Variants in SIN3A observed in about 807,000 individuals in gnomAD.
SIN3A encodes the protein SIN3 transcription regulator family member A.
Under a neutral mutation model 146.1 loss-of-function variants are expected in SIN3A, and 14 were observed. The observed-to-expected ratio is 0.10, with a 90% CI of 0.06 to 0.15. The LOEUF (loss-of-function observed/expected upper bound fraction) is 0.15, where lower values mean the gene tolerates loss of function less well. Ranked by LOEUF, SIN3A falls within the 10% of genes least tolerant of loss-of-function variation. SIN3A has a pLI of 1.00. For synonymous variants in SIN3A, 572 were observed against 572.0 expected (o/e 1.00, Z 0.00); for missense variants, 1,028 against 1,576.0 (o/e 0.65, Z 5.89).
chr15:75,409,424 A>G (rs2073583568), intron 8 of SIN3A, among the ~76,000 whole-genome samples: 1 of 151,960 alleles, frequency 6.6e-6, no homozygotes, highest in Non-Finnish European at 1.5e-5. Context: ...AATATCTAGG[A>G]CCCAACCGTT....
intron 16 of SIN3A, among the ~76,000 whole-genome samples, chr15:75,385,759 G>A (rs2073064196): frequency 6.6e-6 from 1 of 152,182 alleles, no homozygotes; most frequent in African/African-American, 2.4e-5. Flanking sequence ...TGACCAGTAT[G>A]TGTATTAGTA....
Position 75,392,551 on chromosome 15 carries a change from T to C in SIN3A, c.2542A>G (p.Thr848Ala), listed in dbSNP as rs761118636. ...EEEEMDVDEA[T>A]GAVKKHNGVG... ...CCATTGTGCTTCTTAACTGCCCCTG[T>C]GGCTTCATCTACATCCATCTCTTCT... The change falls in exon 15 of 21, where the codon ACA becomes GCA. Residue 848 changes from threonine (T) to alanine (A), a missense_variant. This residue lies in a region of SIN3A where 488 missense variants were observed against 690.2 expected (regional missense o/e 0.71). Transcript: ENST00000394947. The C allele has an allele frequency of 4.3e-6, 7 of 1,614,026 alleles. No homozygotes were observed. The highest frequency in any genetic ancestry group is 1.7e-5 in the Admixed American group (1 of 60,006).
At chr15:75,425,041 CCT>C (rs1448935897) in intron 2 of SIN3A, among the ~76,000 whole-genome samples, 4 of 151,062 alleles carry the variant, frequency 2.6e-5, no homozygotes, top group African/African-American at 9.7e-5. Flanking sequence ...TGACAAAGAC[CCT>C]GTCTCAAAAA....
intron 3 of SIN3A, chr15:75,421,854 C>T (rs956271984): frequency 1.3e-5 from 2 of 152,212 alleles, no homozygotes; most frequent in African/African-American, 4.8e-5. Flanking sequence ...GCTGGGAACA[C>T]AAGCTTCACT....
Position 75,401,845 on chromosome 15 carries a change from C to G in SIN3A, c.1526+7G>C. 1 of 1,543,448 alleles carries G rather than the reference C, an allele frequency of 6.5e-7. No individual in the cohort carries two copies. On this transcript the variant is annotated splice_region_variant and intron_variant, in intron 10 of 20. Transcript: ENST00000394947. ...TGCATCAGGGCTAAGCCCCTCACTT[C>G]ACTTACCCCAGGAAAGGAGAGACTA...
intron 1 of SIN3A, among the ~76,000 whole-genome samples, chr15:75,444,926 GT>G (rs2074278206): frequency 1.3e-5 from 2 of 152,042 alleles, no homozygotes; most frequent in Non-Finnish European, 1.5e-5. Flanking sequence ...CAAAGAAAAA[GT>G]TTTTTAAAAA....
intron 9 of SIN3A, among the ~76,000 whole-genome samples, chr15:75,404,256 T>C (rs1187991292): frequency 6.6e-6 from 1 of 152,250 alleles, no homozygotes; most frequent in Non-Finnish European, 1.5e-5. Context: ...TTTTATACTG[T>C]ATACCCTATT....
chr15:75,386,522 T>C lies in SIN3A; in HGVS notation c.3022-2085A>G, dbSNP rs1214004977. ...TGGAGATGACAGAGAGGGTGTTCAA[T>C]AGATTTTTTGAGGAGGAGCATCTGT... On this transcript the variant is annotated intron_variant, in intron 16 of 20. Transcript: ENST00000394947. 4.6e-5 allele frequency among the ~76,000 whole-genome samples: 7 copies of C among 152,298 alleles called. 1 individual carries two copies. In the South Asian group the frequency reaches 1.2e-3, roughly 27 times the overall value.
At chr15:75,410,395 A>T in intron 6 of SIN3A, 109 bp from the exon 7 acceptor site, 1 of 1,120,252 alleles carries the variant, frequency 8.9e-7, no homozygotes, top group Non-Finnish European at 1.3e-6. Context: ...TGTAAGAAGA[A>T]AGTCTATGTT....
chr15:75,448,895 T>C (rs1275698501), intron 1 of SIN3A, among the ~76,000 whole-genome samples: 3 of 152,234 alleles, frequency 2.0e-5, no homozygotes, highest in Non-Finnish European at 4.4e-5. Context: ...AAAGTCTTTC[T>C]CTGTATGTAA....
chr15:75,450,801 T>C (rs905693637), intron 1 of SIN3A, among the ~76,000 whole-genome samples: 1 of 151,888 alleles, frequency 6.6e-6, no homozygotes, highest in East Asian at 1.9e-4. Context: ...GCGCCGAGAC[T>C]CCCAGCCAGA....
intron 9 of SIN3A, among the ~76,000 whole-genome samples, chr15:75,403,364 A>C (rs2073448488): frequency 6.7e-6 from 1 of 150,182 alleles, no homozygotes; most frequent in African/African-American, 2.4e-5. Context: ...CAGGAGGCAG[A>C]GGTTGCAGTG....
At chr15:75,374,557 T>C (rs546640998) in intron 20 of SIN3A, among the ~76,000 whole-genome samples, 1 of 152,346 alleles carries the variant, frequency 6.6e-6, no homozygotes, top group South Asian at 2.1e-4. Context: ...CAAGCTATCT[T>C]TGTCAAATGT....
At chr15:75,412,716 T>A in intron 5 of SIN3A, 47 bp downstream of exon 5, 2 of 1,476,338 alleles carry the variant, frequency 1.4e-6, no homozygotes, top group South Asian at 1.4e-5. Flanking sequence ...AGGAAGGTGC[T>A]CTCTAGGGAT....
chr15:75,374,011 A>G (rs551279519), intron 20 of SIN3A, among the ~76,000 whole-genome samples: 1 of 152,322 alleles, frequency 6.6e-6, no homozygotes, highest in South Asian at 2.1e-4. Context: ...TTTCAAACTT[A>G]AAACAGCACT....
chr15:75,444,333 C>A (rs1049697628), intron 1 of SIN3A, among the ~76,000 whole-genome samples: 1 of 151,966 alleles, frequency 6.6e-6, no homozygotes, highest in Admixed American at 6.6e-5. Flanking sequence ...CCCAGCTACT[C>A]GGGAGGTTGA....
At chr15:75,435,828 T>C (rs1595924167) in intron 1 of SIN3A, among the ~76,000 whole-genome samples, 1 of 152,030 alleles carries the variant, frequency 6.6e-6, no homozygotes, top group Admixed American at 6.5e-5. Context: ...AAAATTTGCA[T>C]TGAAAGAAAA....
intron 1 of SIN3A, among the ~76,000 whole-genome samples, chr15:75,450,081 G>A (rs1194559051): frequency 6.6e-6 from 1 of 151,822 alleles, no homozygotes; most frequent in East Asian, 1.9e-4. Flanking sequence ...CGCCCGTCCA[G>A]GAAACTAAGT....
chr15:75,402,819 G>C (rs1037855493), intron 9 of SIN3A, among the ~76,000 whole-genome samples: 5 of 151,938 alleles, frequency 3.3e-5, no homozygotes, highest in Non-Finnish European at 5.9e-5. Context: ...ATTTTTAGTA[G>C]AGACGAGGTT....
Sources: allele counts gnomAD v4.1 joint callset (sites outside exome capture counted in the v4.1 genomes callset), GRCh38; gene constraint gnomAD v4.1.1; regional missense constraint gnomAD v4.1.1; transcripts MANE v1.5; gene names NCBI Gene and HGNC (gene_info 2026-07-23, HGNC 2026-07-21).